WIPF3: variants seen among roughly 807,000 people sequenced by gnomAD.
WIPF3 encodes WAS/WASL-interacting protein family member 3.
In WIPF3, 33 loss-of-function variants were observed where a neutral mutation model predicts 38.9. The ratio of observed to expected loss-of-function variants is 0.85; its 90% CI spans 0.64 to 1.14. The LOEUF (loss-of-function observed/expected upper bound fraction) is 1.14, where lower values mean the gene tolerates loss of function less well. Among genes scored for constraint, WIPF3 ranks in the 50% most tolerant of loss-of-function variants. The probability of loss-of-function intolerance (pLI) is 0.00; values close to 1 mark genes in which losing one functional copy is unlikely to be tolerated. For missense variants in WIPF3, 711 were observed against 652.5 expected (o/e 1.09, Z -0.98); for synonymous variants, 324 against 269.3 (o/e 1.20, Z -1.99).
intron 7 of WIPF3, among the ~76,000 whole-genome samples, chr7:29,894,715 C>G (rs1786095632): frequency 1.3e-5 from 2 of 151,888 alleles, no homozygotes; most frequent in Admixed American, 6.6e-5. Context: ...ACCCTGTGGT[C>G]TCCTATGTGC....
intron 8 of WIPF3, among the ~76,000 whole-genome samples, chr7:29,908,594 T>G (rs1786444535): frequency 6.6e-6 from 1 of 152,262 alleles, no homozygotes; most frequent in South Asian, 2.1e-4. Context: ...GGCCACAAAT[T>G]AAGTGTCTTA....
At chr7:29,862,574 CAA>C (rs1465760821) in intron 2 of WIPF3, among the ~76,000 whole-genome samples, 1 of 152,120 alleles carries the variant, frequency 6.6e-6, no homozygotes, top group Admixed American at 6.5e-5. Context: ...ATGAGCTGTG[CAA>C]AGAGTCGGCA....
At chr7:29,892,158 C>T (rs1024948398) in intron 7 of WIPF3, among the ~76,000 whole-genome samples, 18 of 152,230 alleles carry the variant, frequency 1.2e-4, no homozygotes, top group African/African-American at 4.1e-4. Flanking sequence ...CCTCCTAATA[C>T]TGCCCCAGAA....
At chr7:29,841,037 A>G (rs1784904512) in intron 2 of WIPF3, among the ~76,000 whole-genome samples, 1 of 152,182 alleles carries the variant, frequency 6.6e-6, no homozygotes, top group African/African-American at 2.4e-5. Flanking sequence ...AAGGGAGTGC[A>G]CAGATGGGCC....
At position 29,823,187 on chromosome 7, in the gene WIPF3, A is replaced by G. The variant is rs1045745875; in HGVS notation, c.-57-11481A>G. On this transcript the variant is annotated intron_variant, in intron 1 of 8. Coordinates refer to ENST00000242140, the MANE Select transcript of WIPF3 (RefSeq NM_001080529.3). The surrounding 1 kb of genome is among the most constrained non-coding windows in gnomAD (Gnocchi z 4.0). ...AACCAGTTTTCCCAGCTATTAAATGATTTCTCTTTGATTGCCTTGCTTTTT... is the reference window on the plus strand; with the variant it reads ...AACCAGTTTTCCCAGCTATTAAATGGTTTCTCTTTGATTGCCTTGCTTTTT... 6.6e-6 allele frequency among the ~76,000 whole-genome samples: 1 copy of G among 152,164 alleles called. No individual in the cohort carries two copies. Among genetic ancestry groups the G allele is most frequent in the African/African-American group, 2.4e-5 (1 of 41,448 alleles).
chr7:29,818,367 C>T (rs546892377), intron 1 of WIPF3, among the ~76,000 whole-genome samples: 18 of 151,944 alleles, frequency 1.2e-4, no homozygotes, highest in South Asian at 2.1e-4. Flanking sequence ...GTAGGCGAAT[C>T]GCTTGAACCT....
chr7:29,900,244 G>A lies in WIPF3; in HGVS notation c.1352-4042G>A, dbSNP rs183129739. Reference sequence around the variant, plus strand: ...GAGCCACTGCACCCAGCCTGTACACGAAAATATTAAAAGTGGTTATCGCTC... The same window carrying A: ...GAGCCACTGCACCCAGCCTGTACACAAAAATATTAAAAGTGGTTATCGCTC... On this transcript the variant is annotated intron_variant, in intron 7 of 8. Transcript: ENST00000242140. Among the ~76,000 whole-genome samples, 14 of 152,276 alleles carry A rather than the reference G, an allele frequency of 9.2e-5. No individual in the cohort carries two copies. In the East Asian group the frequency reaches 2.1e-3, roughly 23 times the overall value.
intron 8 of WIPF3, among the ~76,000 whole-genome samples, chr7:29,906,560 A>G (rs980397966): frequency 5.3e-5 from 8 of 152,108 alleles, no homozygotes; most frequent in Non-Finnish European, 7.4e-5. Context: ...GCAGATTAAC[A>G]CGCTTATTGT....
chr7:29,889,523 C>T (rs972211773), intron 7 of WIPF3, 116 bp downstream of exon 7: 6 of 765,830 alleles, frequency 7.8e-6, no homozygotes, highest in African/African-American at 1.7e-5. Flanking sequence ...TTCACTGTAC[C>T]ACTGCAAGGA....
chr7:29,810,390 A>G (rs75563307), intron 1 of WIPF3, among the ~76,000 whole-genome samples: 2,115 of 152,234 alleles, frequency 0.014, 54 homozygotes, highest in East Asian at 0.084. Context: ...CACCTGCCCC[A>G]TGCCTGGCAA....
intron 2 of WIPF3, among the ~76,000 whole-genome samples, chr7:29,869,421 AC>A (rs1370074814): frequency 6.6e-6 from 1 of 152,194 alleles, no homozygotes; most frequent in East Asian, 1.9e-4. Context: ...GGTTCGCTTT[AC>A]TGATTTCTAT....
chr7:29,832,733 A>G (rs1189805824), intron 1 of WIPF3, among the ~76,000 whole-genome samples: 1 of 152,214 alleles, frequency 6.6e-6, no homozygotes, highest in Non-Finnish European at 1.5e-5. Flanking sequence ...ACTGACACAC[A>G]TATTTTACGC....
At chr7:29,886,896 C>T (rs1381985118) in intron 5 of WIPF3, among the ~76,000 whole-genome samples, 3 of 152,224 alleles carry the variant, frequency 2.0e-5, no homozygotes, top group Non-Finnish European at 2.9e-5. Context: ...CCTTACCACA[C>T]AGTGGGGCAG....
At chr7:29,841,570 G>A (rs571102941) in intron 2 of WIPF3, among the ~76,000 whole-genome samples, 1 of 152,254 alleles carries the variant, frequency 6.6e-6, no homozygotes, top group East Asian at 1.9e-4. Flanking sequence ...CAGCACTTTG[G>A]GAGGCCAAGG....
chr7:29,849,035 A>G (rs1785048366), intron 2 of WIPF3, among the ~76,000 whole-genome samples: 1 of 152,134 alleles, frequency 6.6e-6, no homozygotes, highest in Non-Finnish European at 1.5e-5. Flanking sequence ...ATCAAATATT[A>G]TATGCTTTTT....
At chr7:29,886,605 C>T (rs1287448798) in intron 5 of WIPF3, among the ~76,000 whole-genome samples, 3 of 152,036 alleles carry the variant, frequency 2.0e-5, no homozygotes, top group Non-Finnish European at 2.9e-5. Flanking sequence ...GATCAGCCCA[C>T]CTCAGCCTCC....
chr7:29,893,921 G>T (rs1177602846), intron 7 of WIPF3, among the ~76,000 whole-genome samples: 3 of 152,184 alleles, frequency 2.0e-5, no homozygotes, highest in Non-Finnish European at 4.4e-5. Context: ...AAGGACCAGA[G>T]AATACATATT....
intron 2 of WIPF3, among the ~76,000 whole-genome samples, chr7:29,875,473 T>C (rs930688144): frequency 6.6e-6 from 1 of 152,026 alleles, no homozygotes; most frequent in Non-Finnish European, 1.5e-5. Flanking sequence ...CCAAGCAGGA[T>C]GATCATTCAA....
chr7:29,883,941 TC>T lies in WIPF3; in HGVS notation c.450del (p.Arg151GlyfsTer2). On this transcript the variant is annotated frameshift_variant, in exon 5 of 9. Transcript: ENST00000242140. LOFTEE classifies it high-confidence loss of function. ...ISGPLIPPAS[P>X]RLGNTSEAHG... ...GCGGCCCGCTTATCCCGCCTGCCTC[TC>T]CCAGGCTAGGCAATACCTCCGAGGC... 6.3e-7 allele frequency: 1 copy of T among 1,579,394 alleles called. No individual in the cohort carries two copies. The highest frequency in any genetic ancestry group is 1.2e-5 in the South Asian group (1 of 86,924).
Sources: gnomAD v4.1 joint callset for allele counts (sites outside exome capture counted in the v4.1 genomes callset) on GRCh38, gnomAD v4.1.1 for gene constraint, Gnocchi (gnomAD v3.1) non-coding constraint, MANE v1.5 for transcripts, NCBI Gene and HGNC (gene_info 2026-07-23, HGNC 2026-07-21) for gene names.